The following CCNDBP1 variants were observed in gnomAD, a reference collection of about 807,000 sequenced individuals.
CCNDBP1 encodes the protein cyclin-D1-binding protein 1.
Under a neutral mutation model 46.2 loss-of-function variants are expected in CCNDBP1, and 45 were observed. The observed-to-expected ratio is 0.97, with a 90% CI of 0.77 to 1.25. The LOEUF is 1.25. CCNDBP1 is among the 50% of genes most tolerant of loss of function. The pLI, the probability that CCNDBP1 is intolerant of heterozygous loss-of-function variation, is 0.00. For missense variants in CCNDBP1, 436 were observed against 442.1 expected (o/e 0.99, Z 0.12); for synonymous variants, 154 against 163.6 (o/e 0.94, Z 0.45).
Position 43,196,783 on chromosome 15 carries a change from C to A in CCNDBP1, c.*1942C>A. 5.0e-6 allele frequency: 1 copy of A among 201,830 alleles called. No homozygotes were observed. The highest frequency in any genetic ancestry group is 5.3e-5 in the Admixed American group (1 of 18,968). The allele number at this position is 201,830 out of a possible 1,614,324, so 12.5% of individuals were successfully genotyped here. On this transcript the variant is annotated 3_prime_UTR_variant, in exon 11 of 11. Transcript: ENST00000300213. ...AATGTACTCCTTAAAGGTATCTGAGCACCTTTTCAACCTGAATGACTACTC... is the reference window on the plus strand; with the variant it reads ...AATGTACTCCTTAAAGGTATCTGAGAACCTTTTCAACCTGAATGACTACTC...
chr15:43,190,402 A>G lies in CCNDBP1; in HGVS notation c.502+4A>G, dbSNP rs777460506. 303 of 1,613,882 alleles carry G rather than the reference A, an allele frequency of 1.9e-4. 3 individuals carry two copies. The South Asian group carries it at 3.1e-3, about 16-fold the overall frequency. ...CAGATGCCTCAGATACCAAGAGGTGAGTGAAAGTGGGCAGTGGGCCATGTC... is the reference window on the plus strand; with the variant it reads ...CAGATGCCTCAGATACCAAGAGGTGGGTGAAAGTGGGCAGTGGGCCATGTC... On this transcript the variant is annotated splice_donor_region_variant and intron_variant, in intron 6 of 10. Coordinates refer to ENST00000300213, the MANE Select transcript of CCNDBP1 (RefSeq NM_012142.5).
At position 43,191,365 on chromosome 15, in the gene CCNDBP1, T is replaced by G. The variant is rs989544831; in HGVS notation, c.580-30T>G. The G allele has an allele frequency of 6.1e-5, 48 of 790,314 alleles. No individual in the cohort carries two copies. In the Admixed American group the frequency reaches 1.6e-3, roughly 27 times the overall value. The allele number at this position is 790,314 out of a possible 1,614,324, so 49.0% of individuals were successfully genotyped here. On this transcript the variant is annotated intron_variant, in intron 7 of 10. Coordinates refer to ENST00000300213, the MANE Select transcript of CCNDBP1 (RefSeq NM_012142.5). ...CGCCTTTTTTTTTTTTTTTTTTTTT[T>G]GCATTCACATACATCATGGTATGTC...
At chr15:43,189,967 T>A (rs2142232760) in intron 4 of CCNDBP1, 88 bp from the exon 5 acceptor site, 1 of 1,117,958 alleles carries the variant, frequency 8.9e-7, no homozygotes. Flanking sequence ...GTACATTACC[T>A]TATAGTTCTG....
chr15:43,189,307 C>A, intron 4 of CCNDBP1, 27 bp downstream of exon 4: 4 of 1,362,314 alleles, frequency 2.9e-6, no homozygotes, highest in South Asian at 1.2e-5. Context: ...TTGCATTTAT[C>A]GTGTAGATCT....
At chr15:43,187,362 C>T (rs889679894) in intron 3 of CCNDBP1, among the ~76,000 whole-genome samples, 1 of 151,910 alleles carries the variant, frequency 6.6e-6, no homozygotes, top group Non-Finnish European at 1.5e-5. Context: ...CTCTGCCTAC[C>T]GGGTTCAAGC....
chr15:43,188,664 GTT>G (rs2041891602), intron 3 of CCNDBP1: 2 of 152,142 alleles, frequency 1.3e-5, no homozygotes, highest in African/African-American at 4.8e-5. Flanking sequence ...TTTCTTAATG[GTT>G]TATTGAGTTG....
At chr15:43,193,475 G>A (rs1311488777) in intron 9 of CCNDBP1, 1 of 150,932 alleles carries the variant, frequency 6.6e-6, no homozygotes, top group Non-Finnish European at 1.5e-5. Flanking sequence ...AACTTCAGCT[G>A]TTCATGAAGT....
At chr15:43,189,464 G>T in intron 4 of CCNDBP1, 184 bp downstream of exon 4, 1 of 506,370 alleles carries the variant, frequency 2.0e-6, no homozygotes. Flanking sequence ...CAGATGCTTT[G>T]TTCCTATGAC....
chr15:43,193,090 C>T (rs2041982774), intron 9 of CCNDBP1: 1 of 386,950 alleles, frequency 2.6e-6, no homozygotes, highest in Non-Finnish European at 4.8e-6. Context: ...GGCGCGGTAG[C>T]TCACACCTGT....
At position 43,194,944 on chromosome 15, in the gene CCNDBP1, G is replaced by T; in HGVS notation, c.*103G>T. 1 of 711,526 alleles carries T rather than the reference G, an allele frequency of 1.4e-6. No individual in the cohort carries two copies. The highest frequency in any genetic ancestry group is 2.4e-6 in the Non-Finnish European group (1 of 414,166). The allele number at this position is 711,526 out of a possible 1,614,324, so 44.1% of individuals were successfully genotyped here. On this transcript the variant is annotated 3_prime_UTR_variant, in exon 11 of 11. Transcript: ENST00000300213. ...AGAATGCTTGCTGGATTGAAAGGGA[G>T]TGCCTATCTATATTTAGCAAGAGAC...
chr15:43,189,885 G>C (rs1381276332), intron 4 of CCNDBP1, 170 bp from the exon 5 acceptor site: 1 of 574,814 alleles, frequency 1.7e-6, no homozygotes, highest in Non-Finnish European at 3.1e-6. Context: ...TGGCAGGAGG[G>C]GCAAGAAAAT....
chr15:43,186,114 T>TA (rs1221756753), intron 2 of CCNDBP1, 40 bp from the exon 3 acceptor site: 2 of 1,565,796 alleles, frequency 1.3e-6, no homozygotes, highest in Non-Finnish European at 1.8e-6. Context: ...CGTGCAGCAC[T>TA]AACGTATTGG....
chr15:43,192,782 T>TC lies in CCNDBP1; in HGVS notation c.901dup (p.His301ProfsTer20), dbSNP rs771913367. On this transcript the variant is annotated frameshift_variant, in exon 9 of 11. Transcript: ENST00000300213. LOFTEE classifies it high-confidence loss of function. ...CTCTGAGCATATATCCACCTATGTG[T>TC]CACCTGACCGTGCGAATCAATGTAA... 1.2e-6 allele frequency: 2 copies of TC among 1,614,218 alleles called. No homozygotes were observed. Among genetic ancestry groups the TC allele is most frequent in the South Asian group, 2.2e-5 (2 of 91,084 alleles).
chr15:43,190,012 TGAAAAGAACA>T, intron 4 of CCNDBP1, 33 bp from the exon 5 acceptor site: 1 of 1,552,248 alleles, frequency 6.4e-7, no homozygotes, highest in Admixed American at 1.7e-5. Flanking sequence ...ATGGTGCTTC[TGAAAAGAACA>T]CCAGGTTGCT....
At chr15:43,192,084 G>A (rs999144315) in intron 8 of CCNDBP1, among the ~76,000 whole-genome samples, 6 of 152,118 alleles carry the variant, frequency 3.9e-5, no homozygotes, top group East Asian at 1.9e-4. Context: ...TATCTAAAAT[G>A]TCATATAAAT....
Position 43,195,277 on chromosome 15 carries a change from G to C in CCNDBP1, c.*436G>C, listed in dbSNP as rs1162606287. 4 of 153,360 alleles carry C rather than the reference G, an allele frequency of 2.6e-5. No homozygotes were observed. Among genetic ancestry groups the C allele is most frequent in the Non-Finnish European group, 5.8e-5 (4 of 69,010 alleles). 9.5% of individuals were successfully genotyped at this position (153,360 alleles called of 1,614,324 possible). A position where few individuals can be genotyped will look rare whatever the true frequency, so the allele number is the denominator to read the frequency against. The stretch of plus-strand genomic sequence containing the variant: ...AACATTGCTTTCATTTGGGTTTGTA[G>C]GTTTAAAAATCTGATTCTAATCAGA... On this transcript the variant is annotated 3_prime_UTR_variant, in exon 11 of 11. Coordinates refer to ENST00000300213, the MANE Select transcript of CCNDBP1 (RefSeq NM_012142.5).
rs1567262565 is a variant in CCNDBP1 at position 43,189,179 on chromosome 15, A to C, written c.250-20A>C. On this transcript the variant is annotated intron_variant, in intron 3 of 10. Coordinates refer to ENST00000300213, the MANE Select transcript of CCNDBP1 (RefSeq NM_012142.5). Reference sequence around the variant, plus strand: ...CAGAAGGGTTGACCACTTTGATCTAATCTGTTTCCTTTTTCATAGGAAACC... The same window carrying C: ...CAGAAGGGTTGACCACTTTGATCTACTCTGTTTCCTTTTTCATAGGAAACC... 6.6e-7 allele frequency: 1 copy of C among 1,513,764 alleles called. No individual in the cohort carries two copies. Among genetic ancestry groups the C allele is most frequent in the Admixed American group, 1.7e-5 (1 of 58,678 alleles). The allele number at this position is 1,513,764 out of a possible 1,614,324, so 93.8% of individuals were successfully genotyped here. A position where few individuals can be genotyped will look rare whatever the true frequency, so the allele number is the denominator to read the frequency against.
At chr15:43,194,046 C>CTT (rs748207621) in intron 9 of CCNDBP1, 1,071 of 49,976 alleles carry the variant, frequency 0.021, 70 homozygotes, top group East Asian at 0.04. Flanking sequence ...TCTTAATGCG[C>CTT]TTTTTTTTTT....
chr15:43,189,092 A>AG (rs2041902790), intron 3 of CCNDBP1, 107 bp from the exon 4 acceptor site: 7 of 462,948 alleles, frequency 1.5e-5, no homozygotes, highest in East Asian at 4.3e-5. Flanking sequence ...AAAAAAAAAA[A>AG]AAAAAAAAAA....
Sources: gnomAD v4.1 joint callset for allele counts (sites outside exome capture counted in the v4.1 genomes callset) on GRCh38, gnomAD v4.1.1 for gene constraint, MANE v1.5 for transcripts, NCBI Gene and HGNC (gene_info 2026-07-23, HGNC 2026-07-21) for gene names.